CAST: variants seen among roughly 807,000 people sequenced by gnomAD.
The protein encoded by CAST is MIR583 host.
In CAST, 76 loss-of-function variants were observed where a neutral mutation model predicts 119.6. The ratio of observed to expected loss-of-function variants is 0.64; its 90% CI spans 0.53 to 0.77. The LOEUF (loss-of-function observed/expected upper bound fraction) is 0.77, where lower values mean the gene tolerates loss of function less well. CAST is among the 30% of genes least tolerant of loss of function. The pLI is 0.00. For missense variants in CAST, 953 were observed against 946.5 expected, an observed-to-expected ratio of 1.01 and a Z score of -0.09; for synonymous variants, 319 against 331.6, an observed-to-expected ratio of 0.96 and a Z score of 0.41.
intron 1 of CAST, among the ~76,000 whole-genome samples, chr5:96,617,912 G>C (rs908076406): frequency 2.0e-5 from 3 of 151,700 alleles, no homozygotes; most frequent in Non-Finnish European, 4.4e-5. Context: ...GTCTTAAGGA[G>C]GGAGGAGGAT....
At chr5:96,613,460 T>A (rs78049042) in intron 1 of CAST, among the ~76,000 whole-genome samples, 2,714 of 152,304 alleles carry the variant, frequency 0.018, 93 homozygotes, top group African/African-American at 0.062. Flanking sequence ...TATTTTCTGT[T>A]TAAGTCTTCA....
At chr5:96,756,815 GC>G (rs1385337562) in intron 22 of CAST, among the ~76,000 whole-genome samples, 2 of 152,144 alleles carry the variant, frequency 1.3e-5, no homozygotes, top group African/African-American at 2.4e-5. Flanking sequence ...TTACTAAAGA[GC>G]CCCGCATGCT....
At chr5:96,656,763 C>A (rs1262424091) in intron 1 of CAST, among the ~76,000 whole-genome samples, 2 of 152,120 alleles carry the variant, frequency 1.3e-5, no homozygotes, top group Non-Finnish European at 2.9e-5. Flanking sequence ...ATCTGGAATT[C>A]TACTCCAAAG....
chr5:96,094,565 G>A, the CAST span, among the ~76,000 whole-genome samples: 50 of 152,106 alleles, frequency 3.3e-4, no homozygotes, highest in Admixed American at 3.1e-3. Context: ...AAACATTTAT[G>A]TAGTGAAATA....
the CAST span, among the ~76,000 whole-genome samples, chr5:96,306,419 T>G: frequency 1.3e-5 from 2 of 152,188 alleles, no homozygotes; most frequent in African/African-American, 4.8e-5. Context: ...ACTGACTTTT[T>G]TTGAAGGGTT....
At chr5:96,494,152 G>C in the CAST span, among the ~76,000 whole-genome samples, 4 of 152,304 alleles carry the variant, frequency 2.6e-5, no homozygotes, top group African/African-American at 9.6e-5. Flanking sequence ...CAAGCAAACA[G>C]AGGCTGAACC....
chr5:96,314,453 G>A, the CAST span, among the ~76,000 whole-genome samples: 1 of 152,168 alleles, frequency 6.6e-6, no homozygotes, highest in South Asian at 2.1e-4. Context: ...TGTAGCATAG[G>A]TGAAGCTGAG....
chr5:96,744,367 A>G (rs1231086349), intron 16 of CAST, among the ~76,000 whole-genome samples: 1 of 152,210 alleles, frequency 6.6e-6, no homozygotes, highest in Admixed American at 6.5e-5. Context: ...GAGCAAAGTC[A>G]CGTCTTACAT....
upstream of CAST, among the ~76,000 whole-genome samples, chr5:96,657,914 T>C (rs1480714132): frequency 6.6e-6 from 1 of 152,058 alleles, no homozygotes; most frequent in Non-Finnish European, 1.5e-5. Context: ...CTGGCCAACA[T>C]GGCAAAACCT....
At chr5:96,024,127 A>C in the CAST span, among the ~76,000 whole-genome samples, 1 of 152,208 alleles carries the variant, frequency 6.6e-6, no homozygotes, top group Non-Finnish European at 1.5e-5. Flanking sequence ...GTTTGCCCCA[A>C]GTGACTTTTT....
chr5:96,596,699 T>C (rs913368067), intron 1 of CAST, among the ~76,000 whole-genome samples: 17 of 152,170 alleles, frequency 1.1e-4, no homozygotes, highest in African/African-American at 2.9e-4. Context: ...GCAGCCCACC[T>C]CGAGATAAGC....
At chr5:96,425,816 T>C in the CAST span, 1 of 1,514,786 alleles carries the variant, frequency 6.6e-7, no homozygotes, top group Non-Finnish European at 9.2e-7. Flanking sequence ...CTGTAGGTAC[T>C]TACCAAGTAC....
At chr5:96,764,795 A>ACTAC (rs1769262600) in intron 25 of CAST, among the ~76,000 whole-genome samples, 1 of 152,186 alleles carries the variant, frequency 6.6e-6, no homozygotes, top group Admixed American at 6.5e-5. Flanking sequence ...TGACAACATT[A>ACTAC]GTAGATGTTT....
chr5:96,334,050 C>G, the CAST span, among the ~76,000 whole-genome samples: 1 of 152,140 alleles, frequency 6.6e-6, no homozygotes, highest in Non-Finnish European at 1.5e-5. Context: ...AGCAAACTTG[C>G]TACCTACTTT....
upstream of CAST, among the ~76,000 whole-genome samples, chr5:96,523,957 G>T (rs572649153): frequency 3.2e-4 from 49 of 152,290 alleles, 1 homozygote; most frequent in African/African-American, 1.2e-3. Context: ...CAGTATCCCC[G>T]TCTCCAGCTT....
chr5:96,425,510 C>T, the CAST span, among the ~76,000 whole-genome samples: 3,744 of 152,228 alleles, frequency 0.025, 150 homozygotes, highest in African/African-American at 0.086. Flanking sequence ...ATTTTTGCCA[C>T]AAGTACTGTT....
chr5:96,692,821 T>C (rs1376263290), intron 2 of CAST, among the ~76,000 whole-genome samples: 1 of 152,242 alleles, frequency 6.6e-6, no homozygotes, highest in Non-Finnish European at 1.5e-5. Flanking sequence ...TGAGTCTTTC[T>C]ACTGGAATGT....
At chr5:96,525,201 C>T (rs1247889337), upstream of CAST, 1 of 152,152 alleles carries the variant, frequency 6.6e-6, no homozygotes, top group African/African-American at 2.4e-5. Context: ...AATACGTGAG[C>T]CAGGATTTTT....
the CAST span, among the ~76,000 whole-genome samples, chr5:96,286,601 A>T: frequency 6.6e-6 from 1 of 152,056 alleles, no homozygotes; most frequent in South Asian, 2.1e-4. Context: ...AAATCCAGGA[A>T]TTTTTTCCTA....
Sources: gnomAD v4.1 joint callset for allele counts (sites outside exome capture counted in the v4.1 genomes callset) on GRCh38, gnomAD v4.1.1 for gene constraint, MANE v1.5 for transcripts, NCBI Gene and HGNC (gene_info 2026-07-23, HGNC 2026-07-21) for gene names.